SEPTIN6: variants seen among roughly 807,000 people sequenced by gnomAD.
SEPTIN6 encodes the protein septin 6.
Under a neutral mutation model 33.6 loss-of-function variants are expected in SEPTIN6, and 8 were observed. The observed-to-expected ratio is 0.24, with a 90% CI of 0.14 to 0.43. The LOEUF (loss-of-function observed/expected upper bound fraction) is 0.43, where lower values mean the gene tolerates loss of function less well. SEPTIN6 is among the 20% of genes least tolerant of loss of function. SEPTIN6 has a pLI of 1.00. For missense variants in SEPTIN6, 250 were observed against 340.8 expected, an observed-to-expected ratio of 0.73 and a Z score of 2.10; for synonymous variants, 131 against 140.0, an observed-to-expected ratio of 0.94 and a Z score of 0.45.
intron 1 of SEPTIN6, among the ~76,000 whole-genome samples, chrX:119,676,741 C>T (rs1296625640): frequency 4.5e-5 from 5 of 111,320 alleles, no homozygotes; most frequent in Admixed American, 9.6e-5. Flanking sequence ...ACTGCACTCC[C>T]GCCCAGGTGA....
At chrX:119,628,478 C>T (rs758868515) in intron 9 of SEPTIN6, among the ~76,000 whole-genome samples, 1 of 104,919 alleles carries the variant, frequency 9.5e-6, no homozygotes, top group African/African-American at 3.5e-5. Context: ...AGGGTTTCAC[C>T]ATGTTGTTCA....
At position 119,617,013 on chromosome X, in the gene SEPTIN6, A is replaced by C. The variant is rs2053674565; in HGVS notation, c.*3080T>G. 2 of 974,836 alleles carry C rather than the reference A, an allele frequency of 2.1e-6. No homozygotes were observed. Among genetic ancestry groups the C allele is most frequent in the East Asian group, 8.0e-5 (2 of 24,998 alleles). 80.3% of individuals were successfully genotyped at this position (974,836 alleles called of 1,213,427 possible). On this transcript the variant is annotated 3_prime_UTR_variant, in exon 11 of 11. Transcript: ENST00000394610. The stretch of plus-strand genomic sequence containing the variant: ...GCCACATGTGAATGCCAAATGATTA[A>C]AACAAAAAAACAAAAACAAGAGCCA...
chrX:119,640,168 C>CTTTT (rs57021804), intron 6 of SEPTIN6, among the ~76,000 whole-genome samples: 10 of 20,173 alleles, frequency 5.0e-4, no homozygotes, highest in East Asian at 1.4e-3. Context: ...ACTATCCAGT[C>CTTTT]TTTTTTTTTT....
chrX:119,689,733 C>CT (rs1411868230), intron 1 of SEPTIN6, among the ~76,000 whole-genome samples: 1 of 107,978 alleles, frequency 9.3e-6, no homozygotes, highest in Non-Finnish European at 1.9e-5. Flanking sequence ...ACCTCGGCCT[C>CT]TTTTTTTTCT....
chrX:119,681,270 A>G (rs750358134), intron 1 of SEPTIN6, among the ~76,000 whole-genome samples: 2 of 111,396 alleles, frequency 1.8e-5, no homozygotes, highest in East Asian at 2.8e-4. Context: ...TGGCCTGATT[A>G]ATTGAGGGCC....
intron 5 of SEPTIN6, among the ~76,000 whole-genome samples, chrX:119,641,441 C>A (rs2054158354): frequency 8.9e-6 from 1 of 112,198 alleles, no homozygotes; most frequent in Non-Finnish European, 1.9e-5. Flanking sequence ...CCTCTAGGAG[C>A]TTACAGTCTT....
At position 119,679,068 on chromosome X, in the gene SEPTIN6, C is replaced by T. The variant is rs955365198; in HGVS notation, c.31-3400G>A. Among the ~76,000 whole-genome samples, 3 of 110,519 alleles carry T rather than the reference C, an allele frequency of 2.7e-5. No individual in the cohort carries two copies. The East Asian group carries it at 8.5e-4, about 31-fold the overall frequency. On this transcript the variant is annotated intron_variant, in intron 1 of 10. Transcript: ENST00000394610. ...GTTCAAGCGATTCTCCTGCCTCAGC[C>T]TCCCGAGTAGCTGGGTGCCCACCAC...
intron 3 of SEPTIN6, among the ~76,000 whole-genome samples, chrX:119,661,103 A>G (rs1247839245): frequency 9.3e-6 from 1 of 107,303 alleles, no homozygotes; most frequent in Admixed American, 1.0e-4. Flanking sequence ...TTCAAATGCA[A>G]AACAGAACTC....
At chrX:119,674,828 A>G (rs1281153254) in intron 2 of SEPTIN6, among the ~76,000 whole-genome samples, 2 of 111,905 alleles carry the variant, frequency 1.8e-5, no homozygotes, top group Non-Finnish European at 3.8e-5. Context: ...CCATTCATTC[A>G]TTTCACAGAT....
intron 2 of SEPTIN6, among the ~76,000 whole-genome samples, chrX:119,675,253 A>G (rs941229712): frequency 9.0e-6 from 1 of 110,564 alleles, no homozygotes; most frequent in African/African-American, 3.3e-5. Context: ...TGTCTTCTGT[A>G]GTCAAAATGA....
At chrX:119,657,200 C>T (rs1173735192) in intron 3 of SEPTIN6, among the ~76,000 whole-genome samples, 3 of 101,927 alleles carry the variant, frequency 2.9e-5, no homozygotes, top group South Asian at 4.5e-4. Context: ...GCCTGGGCAA[C>T]GGAGTGAGAT....
At chrX:119,633,237 C>CT in intron 8 of SEPTIN6, 123 bp downstream of exon 8, 2 of 663,235 alleles carry the variant, frequency 3.0e-6, no homozygotes, top group Non-Finnish European at 4.5e-6. Context: ...ACCACACTGT[C>CT]TTCCACAGTG....
At chrX:119,684,458 A>G (rs1206183216) in intron 1 of SEPTIN6, among the ~76,000 whole-genome samples, 1 of 107,344 alleles carries the variant, frequency 9.3e-6, no homozygotes, top group Non-Finnish European at 1.9e-5. Context: ...TAAGAACCAC[A>G]AAAGCACTGA....
At chrX:119,665,412 TA>T (rs769807634) in intron 2 of SEPTIN6, among the ~76,000 whole-genome samples, 3 of 112,209 alleles carry the variant, frequency 2.7e-5, no homozygotes, top group African/African-American at 9.7e-5. Flanking sequence ...CCCTTATCCT[TA>T]AATTTTAAAC....
intron 1 of SEPTIN6, among the ~76,000 whole-genome samples, chrX:119,692,450 G>A (rs368735607): frequency 4.5e-5 from 5 of 111,606 alleles, no homozygotes; most frequent in East Asian, 2.8e-4. Flanking sequence ...TTGGGTCACA[G>A]ACAGAACCCC....
intron 6 of SEPTIN6, among the ~76,000 whole-genome samples, chrX:119,637,906 G>A (rs193026371): frequency 5.2e-4 from 58 of 112,363 alleles, no homozygotes; most frequent in African/African-American, 1.8e-3. Context: ...AGAACTCCTG[G>A]GAAAGTGAAG....
intron 9 of SEPTIN6, 117 bp from the exon 10 acceptor site, chrX:119,625,496 G>T: frequency 1.5e-6 from 1 of 649,482 alleles, no homozygotes; most frequent in East Asian, 3.4e-5. Context: ...TAGCAGGAAG[G>T]GGAAGTGGGA....
At chrX:119,674,107 G>A (rs932535392) in intron 2 of SEPTIN6, among the ~76,000 whole-genome samples, 6 of 110,458 alleles carry the variant, frequency 5.4e-5, no homozygotes, top group African/African-American at 1.3e-4. Context: ...ATGCTTTCCC[G>A]TGTTACAGGG....
intron 7 of SEPTIN6, among the ~76,000 whole-genome samples, chrX:119,635,599 A>C (rs1250725031): frequency 9.0e-6 from 1 of 111,719 alleles, no homozygotes; most frequent in Non-Finnish European, 1.9e-5. Context: ...GGGGAATGGC[A>C]TAAAGTGCTG....
Sources: allele counts gnomAD v4.1 joint callset (sites outside exome capture counted in the v4.1 genomes callset), GRCh38; gene constraint gnomAD v4.1.1; transcripts MANE v1.5; gene names NCBI Gene and HGNC (gene_info 2026-07-23, HGNC 2026-07-21).